The following DBX2 variants were observed in gnomAD, a reference collection of about 807,000 sequenced individuals.
The protein encoded by DBX2 is homeobox protein DBX2.
Under a neutral mutation model 17.7 loss-of-function variants are expected in DBX2, and 16 were observed. The ratio of observed to expected loss-of-function variants is 0.90; its 90% CI spans 0.61 to 1.37. DBX2 has a LOEUF of 1.37. Ranked by LOEUF, DBX2 falls within the 40% of genes most tolerant of loss-of-function variation. The probability of loss-of-function intolerance (pLI) is 0.00; values close to 1 mark genes in which losing one functional copy is unlikely to be tolerated. For synonymous variants in DBX2, 255 were observed against 183.8 expected (o/e 1.39, Z -3.13); for missense variants, 538 against 433.8 (o/e 1.24, Z -2.13).
chr12:45,034,664 C>A (rs766796575), intron 2 of DBX2, among the ~76,000 whole-genome samples: 2 of 152,160 alleles, frequency 1.3e-5, no homozygotes, highest in East Asian at 3.9e-4. Flanking sequence ...TCCACTAAAT[C>A]CCTTTTCAGG....
chr12:45,025,204 TA>T (rs1425092667), intron 2 of DBX2, among the ~76,000 whole-genome samples: 2 of 152,194 alleles, frequency 1.3e-5, no homozygotes, highest in Non-Finnish European at 2.9e-5. Flanking sequence ...AAAGTAATCA[TA>T]AGATTCCTTA....
chr12:45,028,771 C>T (rs1321353851), intron 2 of DBX2, among the ~76,000 whole-genome samples: 1 of 152,180 alleles, frequency 6.6e-6, no homozygotes, highest in East Asian at 1.9e-4. Context: ...AACAAGAACT[C>T]AACCAATAGA....
At chr12:45,039,559 A>G (rs1946460205) in intron 1 of DBX2, among the ~76,000 whole-genome samples, 1 of 151,760 alleles carries the variant, frequency 6.6e-6, no homozygotes, top group African/African-American at 2.4e-5. Flanking sequence ...CATGTTAGAA[A>G]TGATTAACTG....
rs541014909 is a variant in DBX2 at position 45,046,697 on chromosome 12, A to G, written c.403+3828T>C. 3.9e-5 allele frequency among the ~76,000 whole-genome samples: 6 copies of G among 152,290 alleles called. No homozygotes were observed. In the South Asian group the frequency reaches 1.2e-3, roughly 32 times the overall value. On this transcript the variant is annotated intron_variant, in intron 1 of 3. Transcript: ENST00000332700. ...ACTACCGTTTGCAGCACCAGACATA[A>G]GTGTGAATAGTTTCAGACAGTCAAC...
Position 45,049,125 on chromosome 12 carries a change from T to C in DBX2, c.403+1400A>G, listed in dbSNP as rs1016701523. Among the ~76,000 whole-genome samples, 8 of 152,212 alleles carry C rather than the reference T, an allele frequency of 5.3e-5. No individual in the cohort carries two copies. The East Asian group carries it at 1.5e-3, about 29-fold the overall frequency. ...TCTGTGAAATCTGCAAAGGTTAAAA[T>C]TAAATATCTTTTCATGGCGGAGACA... On this transcript the variant is annotated intron_variant, in intron 1 of 3. Transcript: ENST00000332700.
Position 45,050,987 on chromosome 12 carries a change from C to G in DBX2, c.-60G>C, listed in dbSNP as rs1025048349. ...TTGCGCCCGCCTGTCGCCCGGGCGC[C>G]CCGCACCGCACCCAGAGCCGCAGCT... On this transcript the variant is annotated 5_prime_UTR_variant, in exon 1 of 4. Coordinates refer to ENST00000332700, the MANE Select transcript of DBX2 (RefSeq NM_001004329.3). 6.7e-6 allele frequency: 9 copies of G among 1,341,450 alleles called. No homozygotes were observed. The highest frequency in any genetic ancestry group is 6.3e-5 in the East Asian group (2 of 31,632). 83.1% of individuals were successfully genotyped at this position (1,341,450 alleles called of 1,614,324 possible).
chr12:45,048,227 GCTTT>G (rs1341022872), intron 1 of DBX2, among the ~76,000 whole-genome samples: 1 of 152,126 alleles, frequency 6.6e-6, no homozygotes, highest in African/African-American at 2.4e-5. Flanking sequence ...TAACTCTGGG[GCTTT>G]CTTATTCAAA....
rs1317665385 is a variant in DBX2, at chr12:45,050,647, G to A, written c.281C>T (p.Pro94Leu). 6.5e-6 allele frequency: 10 copies of A among 1,549,582 alleles called. 1 individual carries two copies. In the South Asian group the frequency reaches 1.1e-4, roughly 17 times the overall value. The change falls in exon 1 of 4, where the codon CCC becomes CTC. Residue 94 changes from proline to leucine, a missense_variant. By Grantham distance (98) the Pro-to-Leu change is moderately conservative (BLOSUM62 -3). Transcript: ENST00000332700. ...CCGCGTTCCGTAGGGCGCCCCGGCGGGGCTAACTTGTTCGGCTGCGGGGCA... is the reference window on the plus strand; with the variant it reads ...CCGCGTTCCGTAGGGCGCCCCGGCGAGGCTAACTTGTTCGGCTGCGGGGCA... ...KLCPAAEQVS[P>L]AGAPYGTRWA...
chr12:45,049,034 GTAAAT>G (rs993599812), intron 1 of DBX2, among the ~76,000 whole-genome samples: 13 of 152,136 alleles, frequency 8.5e-5, no homozygotes, highest in African/African-American at 3.1e-4. Flanking sequence ...AATAAGTATA[GTAAAT>G]TATTTTTTAG....
chr12:45,034,478 G>A (rs1471324980), intron 2 of DBX2, among the ~76,000 whole-genome samples: 1 of 152,204 alleles, frequency 6.6e-6, no homozygotes, highest in African/African-American at 2.4e-5. Context: ...GAAGGAGCGA[G>A]TAAAAGGTTT....
At chr12:45,018,977 G>C (rs1946337403) in intron 3 of DBX2, among the ~76,000 whole-genome samples, 1 of 151,994 alleles carries the variant, frequency 6.6e-6, no homozygotes, top group Non-Finnish European at 1.5e-5. Flanking sequence ...GTGGGTGCCA[G>C]GAGGTGGGGG....
At chr12:45,050,458 C>A (rs1227645989) in intron 1 of DBX2, 67 bp downstream of exon 1, 3 of 1,525,890 alleles carry the variant, frequency 2.0e-6, no homozygotes, top group Non-Finnish European at 1.8e-6. Flanking sequence ...CCGGCGCTCC[C>A]AGATCCCTGG....
At chr12:45,020,675 G>GTATATA (rs10649840) in intron 3 of DBX2, among the ~76,000 whole-genome samples, 4,588 of 145,932 alleles carry the variant, frequency 0.031, 125 homozygotes, top group African/African-American at 0.068. Flanking sequence ...GTATATATAT[G>GTATATA]TATATATATA....
intron 2 of DBX2, among the ~76,000 whole-genome samples, chr12:45,031,227 A>AGT (rs1946409201): frequency 3.2e-5 from 2 of 62,314 alleles, no homozygotes; most frequent in Non-Finnish European, 6.1e-5. Context: ...TGTGTGTGTG[A>AGT]GAGAGAGAGA....
chr12:45,027,195 A>C (rs1489764240), intron 2 of DBX2, among the ~76,000 whole-genome samples: 2 of 152,218 alleles, frequency 1.3e-5, no homozygotes, highest in Non-Finnish European at 2.9e-5. Context: ...TAAGATAACA[A>C]AATTTCAGTG....
intron 3 of DBX2, among the ~76,000 whole-genome samples, chr12:45,023,109 T>G (rs1232553513): frequency 1.3e-5 from 2 of 152,124 alleles, no homozygotes; most frequent in Non-Finnish European, 2.9e-5. Flanking sequence ...ATTATACAAC[T>G]CCAAAAGCTA....
chr12:45,050,992 A>G lies in DBX2; in HGVS notation c.-65T>C. ...CCCGCCTGTCGCCCGGGCGCCCCGC[A>G]CCGCACCCAGAGCCGCAGCTTCTCG... On this transcript the variant is annotated 5_prime_UTR_variant, in exon 1 of 4. Coordinates refer to ENST00000332700, the MANE Select transcript of DBX2 (RefSeq NM_001004329.3). 1 of 1,334,838 alleles carries G rather than the reference A, an allele frequency of 7.5e-7. No homozygotes were observed. Among genetic ancestry groups the G allele is most frequent in the Non-Finnish European group, 9.6e-7 (1 of 1,047,092 alleles). 82.7% of individuals were successfully genotyped at this position (1,334,838 alleles called of 1,614,324 possible).
Position 45,016,229 on chromosome 12 carries a change from G to A in DBX2, c.*57C>T, listed in dbSNP as rs1946322320. ...ATGAGGTACAAGCTAGCTGGCATTAGAGTCCAGATGTTACTATTAAGCGTT... is the reference window on the plus strand; with the variant it reads ...ATGAGGTACAAGCTAGCTGGCATTAAAGTCCAGATGTTACTATTAAGCGTT... On this transcript the variant is annotated 3_prime_UTR_variant, in exon 4 of 4. Transcript: ENST00000332700. The A allele has an allele frequency of 2.0e-6, 3 of 1,491,092 alleles. No individual in the cohort carries two copies. In the African/African-American group the frequency reaches 4.2e-5, roughly 21 times the overall value. 92.4% of individuals were successfully genotyped at this position (1,491,092 alleles called of 1,614,324 possible).
chr12:45,046,478 T>A (rs1018207006), intron 1 of DBX2, among the ~76,000 whole-genome samples: 1 of 152,160 alleles, frequency 6.6e-6, no homozygotes, highest in African/African-American at 2.4e-5. Context: ...TTTTAATTTG[T>A]CAAAATGAAT....
Sources: allele counts gnomAD v4.1 joint callset (sites outside exome capture counted in the v4.1 genomes callset), GRCh38; gene constraint gnomAD v4.1.1; transcripts MANE v1.5; gene names NCBI Gene and HGNC (gene_info 2026-07-23, HGNC 2026-07-21).